Variants in CENPE observed in about 807,000 individuals in gnomAD.
The protein encoded by CENPE is centromere-associated protein E.
Under a neutral mutation model 336.1 loss-of-function variants are expected in CENPE, and 145 were observed. The observed-to-expected ratio is 0.43, with a 90% CI of 0.38 to 0.50. CENPE has a LOEUF of 0.50. Ranked by LOEUF, CENPE falls within the 20% of genes least tolerant of loss-of-function variation. The probability of loss-of-function intolerance (pLI) is 0.00; values close to 1 mark genes in which losing one functional copy is unlikely to be tolerated. For synonymous variants in CENPE, 1,013 were observed against 984.8 expected, an observed-to-expected ratio of 1.03 and a Z score of -0.54; for missense variants, 2,719 against 3,023.3, an observed-to-expected ratio of 0.90 and a Z score of 2.36.
At chr4:103,132,660 C>A (rs1418009611) in intron 42 of CENPE, 33 bp downstream of exon 42, 1 of 1,174,040 alleles carries the variant, frequency 8.5e-7, no homozygotes, top group South Asian at 1.6e-5. Flanking sequence ...CAAACAGCAA[C>A]AAAAAAGTAG....
chr4:103,163,537 T>G lies in CENPE; in HGVS notation c.1664A>C (p.Glu555Ala). The change falls in exon 17 of 49, where the codon GAA (glutamate) becomes GCA (alanine). Residue 555 changes from glutamate (E) to alanine (A), a missense_variant. By Grantham distance (107) the Glu-to-Ala change is moderately radical. This residue lies in a region of CENPE where 2,437 missense variants were observed against 2,513.3 expected (regional missense o/e 0.97). Coordinates refer to ENST00000265148, the MANE Select transcript of CENPE (RefSeq NM_001813.3). ...KKDQEMQLIH[E>A]ISNLKNLVKH... ...AACTAAATTCTTTAAGTTCGAAATTTCATGAATTAGTTGCATCTGTAAGAG... is the reference window on the plus strand; with the variant it reads ...AACTAAATTCTTTAAGTTCGAAATTGCATGAATTAGTTGCATCTGTAAGAG... The G allele has an allele frequency of 1.3e-6, 2 of 1,589,474 alleles. No homozygotes were observed. Among genetic ancestry groups the G allele is most frequent in the East Asian group, 2.3e-5 (1 of 43,986 alleles).
rs190197033 is a variant in CENPE at position 103,171,528 on chromosome 4, A to C, written c.1647+3208T>G. On this transcript the variant is annotated intron_variant, in intron 16 of 48. Coordinates refer to ENST00000265148, the MANE Select transcript of CENPE (RefSeq NM_001813.3). ...GCAGCAAAAGCAGTTCTAAAAGAGA[A>C]GTTTATAGTAATAAACATCTACATC... Among the ~76,000 whole-genome samples, 14 of 152,156 alleles carry C rather than the reference A, an allele frequency of 9.2e-5. No homozygotes were observed. In the East Asian group the frequency reaches 2.5e-3, roughly 27 times the overall value.
In CENPE at chr4:103,194,577, T is replaced by C. The variant is rs1359798553; in HGVS notation, c.559+26A>G. On this transcript the variant is annotated intron_variant, in intron 6 of 48. Coordinates refer to ENST00000265148, the MANE Select transcript of CENPE (RefSeq NM_001813.3). Reference sequence around the variant, plus strand: ...GAAAAGATAGTTTTTACAAGTGTTCTAAAGAAATACAGCATAAAGTCTTAC... The same window carrying C: ...GAAAAGATAGTTTTTACAAGTGTTCCAAAGAAATACAGCATAAAGTCTTAC... The C allele has an allele frequency of 3.2e-6, 5 of 1,568,402 alleles. No homozygotes were observed. In the African/African-American group the frequency reaches 6.8e-5, roughly 21 times the overall value.
intron 42 of CENPE, among the ~76,000 whole-genome samples, chr4:103,132,168 G>A (rs1431928487): frequency 2.0e-5 from 3 of 152,158 alleles, no homozygotes; most frequent in African/African-American, 4.8e-5. Context: ...CCCTGATGTG[G>A]GCTGTTGATA....
intron 40 of CENPE, 122 bp from the exon 41 acceptor site, chr4:103,134,014 G>A: frequency 1.5e-6 from 1 of 680,306 alleles, no homozygotes; most frequent in East Asian, 2.7e-5. Flanking sequence ...TCTCACAAGT[G>A]AGGAAAAGGG....
At chr4:103,140,108 T>G in intron 37 of CENPE, 29 bp from the exon 38 acceptor site, 1 of 1,568,248 alleles carries the variant, frequency 6.4e-7, no homozygotes, top group African/African-American at 1.4e-5. Flanking sequence ...CAAGTTAGAA[T>G]GTAAGCAGTT....
intron 14 of CENPE, among the ~76,000 whole-genome samples, chr4:103,176,682 C>T (rs1178237673): frequency 6.6e-6 from 1 of 152,174 alleles, no homozygotes; most frequent in Non-Finnish European, 1.5e-5. Flanking sequence ...GCCTCAGCCT[C>T]CCAAGTAGCC....
rs143858071 is a variant in CENPE at position 103,160,739 on chromosome 4, A to G, written c.2172T>C (p.Asp724=). 2.1e-4 allele frequency: 332 copies of G among 1,607,596 alleles called. 1 individual carries two copies. Among genetic ancestry groups the G allele is most frequent in the Non-Finnish European group, 2.7e-4 (322 of 1,177,024 alleles). ...CNLELEGKIT[D]LQKELNKEVE... ...CTTCTTTATTTAGTTCTTTCTGAAG[A>G]TCAGTAATCTTTCCTTCCAATTCCA... Residue 724 remains aspartate (D), a synonymous_variant, in exon 21 of 49, where the codon GAT becomes GAC. Transcript: ENST00000265148.
chr4:103,174,888 C>T lies in CENPE; in HGVS notation c.1495G>A (p.Glu499Lys). Residue 499 changes from glutamate to lysine, a missense_variant, in exon 16 of 49, where the codon GAG becomes AAG. Glu to Lys is a moderately conservative substitution (Grantham distance 56). Transcript: ENST00000265148. ...KLLNQENIES[E>K]LNSLRADYDN... ...TAGTCAGCACGAAGTGAGTTCAACT[C>T]ACTTTCTATATTCTCCTATTATAAA... 6.8e-7 allele frequency: 1 copy of T among 1,474,322 alleles called. No individual in the cohort carries two copies. 91.3% of individuals were successfully genotyped at this position (1,474,322 alleles called of 1,614,324 possible). A position where few individuals can be genotyped will look rare whatever the true frequency, so the allele number is the denominator to read the frequency against.
intron 10 of CENPE, 86 bp downstream of exon 10, chr4:103,183,115 A>G: frequency 2.9e-6 from 3 of 1,030,644 alleles, no homozygotes; most frequent in Non-Finnish European, 4.4e-6. Context: ...AAATCAGTAC[A>G]TTTGAGTGTC....
intron 43 of CENPE, among the ~76,000 whole-genome samples, chr4:103,121,967 C>T (rs1750665878): frequency 6.6e-6 from 1 of 152,146 alleles, no homozygotes; most frequent in African/African-American, 2.4e-5. Context: ...TGTTCCACTG[C>T]TCTACTTGTC....
At chr4:103,146,512 G>T (rs2711895) in intron 29 of CENPE, among the ~76,000 whole-genome samples, 24,160 of 152,156 alleles carry the variant, frequency 0.16, 2,323 homozygotes, top group Non-Finnish European at 0.2. Context: ...AGATCTGAAG[G>T]ATAAGAGCAT....
At chr4:103,135,465 T>G (rs1751986221) in intron 40 of CENPE, among the ~76,000 whole-genome samples, 1 of 152,186 alleles carries the variant, frequency 6.6e-6, no homozygotes, top group African/African-American at 2.4e-5. Context: ...GAACTCCATC[T>G]AAACTTCTCT....
intron 17 of CENPE, 90 bp downstream of exon 17, chr4:103,163,389 C>T (rs1281447742): frequency 5.6e-6 from 7 of 1,258,832 alleles, no homozygotes; most frequent in East Asian, 2.4e-5. Context: ...AACATAATTC[C>T]CTTATTTCTG....
chr4:103,116,080 G>A (rs986153627), intron 45 of CENPE, among the ~76,000 whole-genome samples: 2 of 151,970 alleles, frequency 1.3e-5, no homozygotes, highest in African/African-American at 4.8e-5. Flanking sequence ...AAAGAATTTA[G>A]GCATGCTGTT....
chr4:103,134,969 C>T (rs1751942436), intron 40 of CENPE, among the ~76,000 whole-genome samples: 1 of 152,212 alleles, frequency 6.6e-6, no homozygotes, highest in South Asian at 2.1e-4. Flanking sequence ...AGTCCATATT[C>T]TGACTCTCTG....
At chr4:103,143,459 G>T in intron 33 of CENPE, 53 bp from the exon 34 acceptor site, 2 of 1,211,098 alleles carry the variant, frequency 1.7e-6, no homozygotes, top group Non-Finnish European at 2.4e-6. Context: ...CCATCCACAT[G>T]CTATAGAAAG....
At chr4:103,129,310 A>G (rs1751386512) in intron 42 of CENPE, among the ~76,000 whole-genome samples, 1 of 152,158 alleles carries the variant, frequency 6.6e-6, no homozygotes, top group Non-Finnish European at 1.5e-5. Flanking sequence ...AAAAAACTAT[A>G]CCCATTCTCT....
intron 24 of CENPE, among the ~76,000 whole-genome samples, chr4:103,154,049 A>G (rs992618724): frequency 1.3e-5 from 2 of 152,328 alleles, no homozygotes; most frequent in East Asian, 3.9e-4. Flanking sequence ...AAAGGGAGAC[A>G]GAGACTGAAA....
Sources: gnomAD v4.1 joint callset for allele counts (sites outside exome capture counted in the v4.1 genomes callset) on GRCh38, gnomAD v4.1.1 for gene constraint, gnomAD v4.1.1 regional missense constraint, MANE v1.5 for transcripts, NCBI Gene and HGNC (gene_info 2026-07-23, HGNC 2026-07-21) for gene names.